Variants in HEXB observed in about 807,000 individuals in gnomAD.
HEXB encodes beta-hexosaminidase subunit beta.
In HEXB, 51 loss-of-function variants were observed where a neutral mutation model predicts 71.2. The ratio of observed to expected loss-of-function variants is 0.72; its 90% CI spans 0.57 to 0.90. HEXB has a LOEUF of 0.90. Among genes scored for constraint, HEXB ranks in the 40% least tolerant of loss-of-function variants. HEXB has a pLI of 0.00. For missense variants in HEXB, 617 were observed against 677.0 expected (o/e 0.91, Z 0.98); for synonymous variants, 266 against 249.3 (o/e 1.07, Z -0.63).
intron 1 of HEXB, among the ~76,000 whole-genome samples, chr5:74,663,405 G>T (rs1748366988): frequency 6.6e-6 from 1 of 152,048 alleles, no homozygotes; most frequent in Non-Finnish European, 1.5e-5. Flanking sequence ...TGGTCAGGCT[G>T]GTCTCTATGT....
chr5:74,713,802 T>C (rs977196642), intron 7 of HEXB, among the ~76,000 whole-genome samples, 167 bp downstream of exon 7: 3 of 152,202 alleles, frequency 2.0e-5, no homozygotes, highest in African/African-American at 4.8e-5. Flanking sequence ...TAGCTGAGAC[T>C]ACAGGCATGC....
chr5:74,651,904 C>T (rs1364221862), intron 1 of HEXB, among the ~76,000 whole-genome samples: 5 of 152,224 alleles, frequency 3.3e-5, no homozygotes, highest in Non-Finnish European at 5.9e-5. Flanking sequence ...TCTCCAGGTT[C>T]ACAATAAGTA....
chr5:74,670,897 G>A (rs1161451313), intron 1 of HEXB, among the ~76,000 whole-genome samples: 2 of 152,104 alleles, frequency 1.3e-5, no homozygotes, highest in African/African-American at 4.8e-5. Flanking sequence ...TCCCACCAGG[G>A]GCCAAGCACA....
intron 1 of HEXB, among the ~76,000 whole-genome samples, chr5:74,668,944 G>C (rs1401650553): frequency 6.6e-6 from 1 of 152,142 alleles, no homozygotes; most frequent in Non-Finnish European, 1.5e-5. Context: ...TTATTGGTTT[G>C]TGCGGGCATT....
Position 74,650,483 on chromosome 5 carries a change from G to A in HEXB, c.-377+9925G>A, listed in dbSNP as rs376738008. Among the ~76,000 whole-genome samples, 11 of 152,292 alleles carry A rather than the reference G, an allele frequency of 7.2e-5. No individual in the cohort carries two copies. The East Asian group carries it at 1.3e-3, about 19-fold the overall frequency. On this transcript the variant is annotated intron_variant, in intron 1 of 13. Transcript: ENST00000511181. ...GGGTAAAGCTGAAGAACAGAAAATAGCAACTGTTTCATGGCCCCCTCCGCA... is the reference window on the plus strand; with the variant it reads ...GGGTAAAGCTGAAGAACAGAAAATAACAACTGTTTCATGGCCCCCTCCGCA...
At chr5:74,650,576 G>C (rs1748083440) in intron 1 of HEXB, among the ~76,000 whole-genome samples, 1 of 152,156 alleles carries the variant, frequency 6.6e-6, no homozygotes, top group Admixed American at 6.5e-5. Flanking sequence ...CCTCGGTACT[G>C]AGTGTGCCTC....
At chr5:74,715,354 TATCTG>T (rs1162212673) in intron 7 of HEXB, among the ~76,000 whole-genome samples, 151 bp from the exon 8 acceptor site, 1 of 152,226 alleles carries the variant, frequency 6.6e-6, no homozygotes, top group Non-Finnish European at 1.5e-5. Context: ...AAACCCTTCT[TATCTG>T]GAAGAAATTA....
chr5:74,688,464 A>G (rs1027670277), intron 1 of HEXB, among the ~76,000 whole-genome samples: 7 of 151,874 alleles, frequency 4.6e-5, no homozygotes, highest in Non-Finnish European at 1.0e-4. Context: ...CCTCCTGAGT[A>G]GCTGGGATTA....
intron 1 of HEXB, among the ~76,000 whole-genome samples, chr5:74,656,698 G>A (rs1748227210): frequency 1.3e-5 from 2 of 152,006 alleles, no homozygotes; most frequent in South Asian, 4.1e-4. Context: ...TCCACCTCCT[G>A]GGTTCAAGGT....
At chr5:74,706,040 T>C (rs1749378935) in intron 6 of HEXB, 1 of 153,060 alleles carries the variant, frequency 6.5e-6, no homozygotes, top group Non-Finnish European at 1.5e-5. Context: ...CTTTTTATTA[T>C]GGCAAATTTC....
chr5:74,718,245 G>A, intron 9 of HEXB, 46 bp from the exon 10 acceptor site: 1 of 1,214,226 alleles, frequency 8.2e-7, no homozygotes, highest in Non-Finnish European at 1.2e-6. Context: ...TAAATATATT[G>A]TTAAGCTTAT....
At chr5:74,717,492 A>ATATATATG (rs1300820622) in intron 9 of HEXB, among the ~76,000 whole-genome samples, 2 of 151,664 alleles carry the variant, frequency 1.3e-5, no homozygotes, top group Non-Finnish European at 2.9e-5. Context: ...ATATATATAT[A>ATATATATG]TATACACATT....
rs1339254064 is a variant in HEXB at position 74,716,538 on chromosome 5, A to G, written c.1083-49A>G. The G allele has an allele frequency of 8.0e-6, 9 of 1,118,336 alleles. No homozygotes were observed. In the Admixed American group the frequency reaches 8.6e-5, roughly 11 times the overall value. The allele number at this position is 1,118,336 out of a possible 1,614,324, so 69.3% of individuals were successfully genotyped here. On this transcript the variant is annotated intron_variant, in intron 8 of 13. Coordinates refer to ENST00000261416, the MANE Select transcript of HEXB (RefSeq NM_000521.4). ...GCATGTATACTGCTCTAAATAATAA[A>G]CTGAGCATATCAAACTTCTAATGAA...
rs894210064 is a variant in HEXB, at chr5:74,654,376, G to A, written c.-377+13818G>A. Among the ~76,000 whole-genome samples, 4 of 152,120 alleles carry A rather than the reference G, an allele frequency of 2.6e-5. No homozygotes were observed. The East Asian group carries it at 7.7e-4, about 29-fold the overall frequency. On this transcript the variant is annotated intron_variant, in intron 1 of 13. Coordinates refer to the HEXB transcript ENST00000511181. Reference sequence around the variant, plus strand: ...CTGCTGGTCTGCAAAACACACTTGAGTCCAGAGGCCTGACAAGACGCAGCA... The same window carrying A: ...CTGCTGGTCTGCAAAACACACTTGAATCCAGAGGCCTGACAAGACGCAGCA...
chr5:74,677,676 C>G lies in HEXB; in HGVS notation c.-376-11652C>G, dbSNP rs751093537. ...TTGGAATTATTTTCCAAAGAAACTA[C>G]CTCAAATTAAGTCTTTTTTTATTAT... On this transcript the variant is annotated intron_variant, in intron 1 of 13. Coordinates refer to the HEXB transcript ENST00000511181. Among the ~76,000 whole-genome samples, 34 of 151,858 alleles carry G rather than the reference C, an allele frequency of 2.2e-4. 1 individual carries two copies. Among genetic ancestry groups the G allele is most frequent in the Admixed American group, 5.2e-4 (8 of 15,250 alleles).
In HEXB at chr5:74,713,495, G is replaced by A. The variant is rs1289057626; in HGVS notation, c.772-11G>A. The A allele has an allele frequency of 6.2e-7, 1 of 1,609,480 alleles. No homozygotes were observed. The highest frequency in any genetic ancestry group is 1.1e-5 in the South Asian group (1 of 90,970). ...TGTACATTTTAACTTGAATAAATATGGCTTTTACAGGGAAGCTATTCTTTG... is the reference window on the plus strand; with the variant it reads ...TGTACATTTTAACTTGAATAAATATAGCTTTTACAGGGAAGCTATTCTTTG... On this transcript the variant is annotated splice_polypyrimidine_tract_variant and intron_variant, in intron 6 of 13. Coordinates refer to ENST00000261416, the MANE Select transcript of HEXB (RefSeq NM_000521.4).
In HEXB at chr5:74,720,723, C is replaced by G. The variant is rs531151091; in HGVS notation, c.1589C>G (p.Thr530Arg). ...RDMDDAYDRL[T>R]RHRCRMVERG... ...ATGGATGACGCCTATGACAGACTGA[C>G]AAGGCACCGCTGCAGGATGGTCGAG... is the stretch of plus-strand genomic sequence containing the variant. The change falls in exon 13 of 14, where the codon ACA becomes AGA. Residue 530 changes from threonine (T) to arginine (R), a missense_variant. Coordinates refer to ENST00000261416, the MANE Select transcript of HEXB (RefSeq NM_000521.4). The G allele has an allele frequency of 3.0e-5, 49 of 1,613,782 alleles. No individual in the cohort carries two copies. The South Asian group carries it at 4.9e-4, about 16-fold the overall frequency.
At chr5:74,688,278 A>C (rs1748917343) in intron 1 of HEXB, among the ~76,000 whole-genome samples, 1 of 151,184 alleles carries the variant, frequency 6.6e-6, no homozygotes, top group Non-Finnish European at 1.5e-5. Flanking sequence ...ACAATATTTA[A>C]TGCCTTTACA....
At chr5:74,657,221 A>G (rs1403050228) in intron 1 of HEXB, among the ~76,000 whole-genome samples, 1 of 152,092 alleles carries the variant, frequency 6.6e-6, no homozygotes, top group Non-Finnish European at 1.5e-5. Flanking sequence ...CCTTTCCATG[A>G]GCCACAAGGC....
Sources: gnomAD v4.1 joint callset for allele counts (sites outside exome capture counted in the v4.1 genomes callset) on GRCh38, gnomAD v4.1.1 for gene constraint, MANE v1.5 for transcripts, NCBI Gene and HGNC (gene_info 2026-07-23, HGNC 2026-07-21) for gene names.